FER: variants seen among roughly 807,000 people sequenced by gnomAD.
FER encodes the protein tyrosine-protein kinase Fer.
In FER, 63 loss-of-function variants were observed where a neutral mutation model predicts 111.0. The observed-to-expected ratio is 0.57, with a 90% CI of 0.46 to 0.70. The LOEUF is 0.70. FER is among the 30% of genes least tolerant of loss of function. The pLI is 0.00. For synonymous variants in FER, 327 were observed against 313.9 expected, an observed-to-expected ratio of 1.04 and a Z score of -0.44; for missense variants, 914 against 954.0, an observed-to-expected ratio of 0.96 and a Z score of 0.55.
intron 11 of FER, among the ~76,000 whole-genome samples, chr5:108,947,871 TTTTA>T (rs1439021443): frequency 2.0e-5 from 3 of 151,750 alleles, no homozygotes; most frequent in East Asian, 1.9e-4. Context: ...AGGTTCAAAT[TTTTA>T]TTTATTTATT....
At chr5:109,012,370 C>T (rs1455058346) in intron 13 of FER, among the ~76,000 whole-genome samples, 2 of 152,138 alleles carry the variant, frequency 1.3e-5, no homozygotes, top group Admixed American at 1.3e-4. Context: ...GGGATAGCAA[C>T]ATTGCCTTCA....
At chr5:108,771,936 G>T (rs1016500677) in intron 2 of FER, among the ~76,000 whole-genome samples, 2 of 152,098 alleles carry the variant, frequency 1.3e-5, no homozygotes, top group Non-Finnish European at 2.9e-5. Context: ...AAATACCTGA[G>T]ACTGAGTAAT....
intron 3 of FER, chr5:108,819,782 G>A (rs1431569719): frequency 2.8e-5 from 28 of 984,520 alleles, no homozygotes; most frequent in Non-Finnish European, 3.4e-5. Context: ...TCAGAAGAAG[G>A]AAGTGTCTTG....
chr5:108,993,322 C>A (rs900284367), intron 13 of FER, among the ~76,000 whole-genome samples: 6 of 152,212 alleles, frequency 3.9e-5, no homozygotes, highest in Admixed American at 3.3e-4. Context: ...GGATCACTCG[C>A]GGTTAGGAGC....
chr5:109,087,687 G>A (rs1439589513), intron 16 of FER, among the ~76,000 whole-genome samples: 4 of 149,578 alleles, frequency 2.7e-5, no homozygotes, highest in Non-Finnish European at 4.5e-5. Context: ...CTTTTTTTTT[G>A]GTTTTTGTTT....
intron 17 of FER, among the ~76,000 whole-genome samples, chr5:109,162,993 T>C (rs1333523422): frequency 2.6e-5 from 4 of 152,162 alleles, no homozygotes; most frequent in African/African-American, 9.7e-5. Context: ...CACACTGTTT[T>C]GCAGTCAGTA....
intron 5 of FER, among the ~76,000 whole-genome samples, chr5:108,846,195 T>TCC (rs1762009274): frequency 2.6e-5 from 4 of 152,228 alleles, no homozygotes; most frequent in Non-Finnish European, 4.4e-5. Flanking sequence ...TAGACTTTGC[T>TCC]TGTGAAACCA....
chr5:109,087,215 T>C (rs1393676655), intron 16 of FER, among the ~76,000 whole-genome samples: 1 of 151,772 alleles, frequency 6.6e-6, no homozygotes, highest in African/African-American at 2.4e-5. Flanking sequence ...TTATTAATTT[T>C]AACTGAATTA....
chr5:109,129,838 A>G (rs540059007), intron 17 of FER, among the ~76,000 whole-genome samples: 1 of 152,172 alleles, frequency 6.6e-6, no homozygotes, highest in South Asian at 2.1e-4. Context: ...CAAAACATCA[A>G]ATATGTGTGT....
Position 109,101,538 on chromosome 5 carries a change from C to G in FER, c.2048+1019C>G, listed in dbSNP as rs546043901. On this transcript the variant is annotated intron_variant, in intron 17 of 19. Transcript: ENST00000281092. ...CCCCATGCTCACCCCAAATTTTACT[C>G]AGTGTTCAGCTTTATTCTGAAACTA... 2.4e-4 allele frequency among the ~76,000 whole-genome samples: 37 copies of G among 151,998 alleles called. 1 individual carries two copies. Among genetic ancestry groups the G allele is most frequent in the Non-Finnish European group, 4.4e-4 (30 of 67,936 alleles).
At chr5:108,997,212 T>C (rs1176352467) in intron 13 of FER, among the ~76,000 whole-genome samples, 1 of 148,850 alleles carries the variant, frequency 6.7e-6, no homozygotes. Flanking sequence ...GAGACCATCC[T>C]GGCTAACACG....
intron 2 of FER, among the ~76,000 whole-genome samples, chr5:108,795,363 G>A (rs1422307756): frequency 6.7e-6 from 1 of 150,130 alleles, no homozygotes; most frequent in Non-Finnish European, 1.5e-5. Context: ...TCTAGTTCTT[G>A]TAGGCATGGT....
chr5:109,085,787 C>T (rs930525257), intron 16 of FER, among the ~76,000 whole-genome samples: 1 of 151,706 alleles, frequency 6.6e-6, no homozygotes, highest in Admixed American at 6.6e-5. Flanking sequence ...TTGTTTAATG[C>T]TTTCCTGTAT....
chr5:109,048,044 G>T (rs1161937825), intron 16 of FER, among the ~76,000 whole-genome samples: 1 of 151,776 alleles, frequency 6.6e-6, no homozygotes, highest in African/African-American at 2.4e-5. Context: ...TAAGTGAAAG[G>T]GATTTGCTTT....
At chr5:108,936,312 C>G (rs1355916722) in intron 10 of FER, among the ~76,000 whole-genome samples, 1 of 151,742 alleles carries the variant, frequency 6.6e-6, no homozygotes, top group African/African-American at 2.4e-5. Context: ...TTTGCTAAAC[C>G]TTTGATACAG....
chr5:109,004,793 A>T (rs1390235979), intron 13 of FER, among the ~76,000 whole-genome samples: 1 of 152,182 alleles, frequency 6.6e-6, no homozygotes, highest in Non-Finnish European at 1.5e-5. Flanking sequence ...CACCTTATGA[A>T]ACATTAGTGA....
intron 13 of FER, among the ~76,000 whole-genome samples, chr5:109,020,729 G>A (rs557693477): frequency 4.6e-5 from 7 of 152,140 alleles, no homozygotes; most frequent in African/African-American, 1.7e-4. Context: ...GTATCCAGAA[G>A]CACTCTGCCT....
chr5:108,864,790 A>G (rs1457841122), intron 5 of FER, among the ~76,000 whole-genome samples: 2 of 152,110 alleles, frequency 1.3e-5, no homozygotes, highest in Middle Eastern at 3.2e-3. Flanking sequence ...GTCAGGTAGC[A>G]TGATGCCTCC....
intron 17 of FER, among the ~76,000 whole-genome samples, chr5:109,123,733 T>C (rs779488395): frequency 2.6e-5 from 4 of 152,208 alleles, no homozygotes; most frequent in African/African-American, 7.2e-5. Flanking sequence ...TCTTCTTATA[T>C]TATCGATCAG....
Sources: gnomAD v4.1 joint callset for allele counts (sites outside exome capture counted in the v4.1 genomes callset) on GRCh38, gnomAD v4.1.1 for gene constraint, MANE v1.5 for transcripts, NCBI Gene and HGNC (gene_info 2026-07-23, HGNC 2026-07-21) for gene names.